Variants in PARP1 observed in about 807,000 individuals in gnomAD.
PARP1 encodes the protein poly(ADP-ribose) polymerase 1, also known as poly [ADP-ribose] polymerase 1.
PARP1 carries 44 observed loss-of-function variants against 118.7 expected under a neutral mutation model. That is an observed-to-expected ratio of 0.37 (90% CI 0.29 to 0.48). The LOEUF (loss-of-function observed/expected upper bound fraction) is 0.48, where lower values mean the gene tolerates loss of function less well. Among genes scored for constraint, PARP1 ranks in the 20% least tolerant of loss-of-function variants. The pLI, the probability that PARP1 is intolerant of heterozygous loss-of-function variation, is 0.99. For synonymous variants in PARP1, 492 were observed against 483.2 expected, an observed-to-expected ratio of 1.02 and a Z score of -0.24; for missense variants, 1,100 against 1,272.4, an observed-to-expected ratio of 0.86 and a Z score of 2.06.
At chr1:226,367,251 G>T in intron 17 of PARP1, 1 of 570,610 alleles carries the variant, frequency 1.8e-6, no homozygotes, top group Non-Finnish European at 3.1e-6. Flanking sequence ...GTGCTGGCTT[G>T]GAAGGCTGCC....
chr1:226,379,513 TA>T, intron 11 of PARP1, 59 bp downstream of exon 11: 1 of 1,383,102 alleles, frequency 7.2e-7, no homozygotes, highest in Non-Finnish European at 1.0e-6. Flanking sequence ...TGTGTGCTCC[TA>T]GTCAGCTGGG....
intron 12 of PARP1, among the ~76,000 whole-genome samples, chr1:226,378,021 G>A (rs1664528725): frequency 6.6e-6 from 1 of 152,080 alleles, no homozygotes; most frequent in Admixed American, 6.5e-5. Flanking sequence ...CATTCTCTGG[G>A]CTACTGAACA....
At chr1:226,379,822 G>A (rs1385366364) in intron 10 of PARP1, 100 bp downstream of exon 10, 49 of 1,573,734 alleles carry the variant, frequency 3.1e-5, no homozygotes, top group Non-Finnish European at 4.3e-5. Context: ...GCACTCAACA[G>A]GCCATGTCAG....
chr1:226,399,867 G>A (rs1576403205), intron 2 of PARP1, among the ~76,000 whole-genome samples: 1 of 152,100 alleles, frequency 6.6e-6, no homozygotes, highest in East Asian at 1.9e-4. Flanking sequence ...ACTCAATTTT[G>A]CTGTGAACCT....
intron 14 of PARP1, among the ~76,000 whole-genome samples, chr1:226,373,060 A>C (rs1007338784): frequency 1.2e-4 from 18 of 152,198 alleles, no homozygotes; most frequent in African/African-American, 4.1e-4. Flanking sequence ...AGGCGTGAGC[A>C]TTCCTGCCAG....
chr1:226,394,210 A>G (rs1664872704), intron 2 of PARP1, among the ~76,000 whole-genome samples: 1 of 151,880 alleles, frequency 6.6e-6, no homozygotes, highest in Non-Finnish European at 1.5e-5. Flanking sequence ...AAACAACCAA[A>G]CCCCAGCATG....
At chr1:226,397,170 A>T (rs1024973014) in intron 2 of PARP1, among the ~76,000 whole-genome samples, 2 of 151,618 alleles carry the variant, frequency 1.3e-5, no homozygotes, top group Non-Finnish European at 2.9e-5. Flanking sequence ...AAAAAAAAAA[A>T]AAAAGTTAAA....
At chr1:226,388,897 C>T in intron 4 of PARP1, 142 bp from the exon 5 acceptor site, 1 of 739,606 alleles carries the variant, frequency 1.4e-6, no homozygotes, top group Non-Finnish European at 2.4e-6. Context: ...TAACCCCTGC[C>T]CCACTCAGTG....
Position 226,380,073 on chromosome 1 carries a change from G to C in PARP1, c.1392C>G (p.Ala464=), listed in dbSNP as rs760300510. ...ACAACTCCTGAAGGCTCTTGGTGGAGGCGGAGACGTCCTGGAGGAAGTCCT... is the reference window on the plus strand; with the variant it reads ...ACAACTCCTGAAGGCTCTTGGTGGACGCGGAGACGTCCTGGAGGAAGTCCT... ...VSEDFLQDVS[A]STKSLQELFL... Residue 464 remains alanine (A), a synonymous_variant, in exon 10 of 23, where the codon GCC becomes GCG. Coordinates refer to ENST00000366794, the MANE Select transcript of PARP1 (RefSeq NM_001618.4). 2.4e-5 allele frequency: 39 copies of C among 1,614,118 alleles called. No homozygotes were observed. Among genetic ancestry groups the C allele is most frequent in the Admixed American group, 5.0e-5 (3 of 60,012 alleles).
chr1:226,383,296 C>T (rs1461253831), intron 7 of PARP1, 113 bp from the exon 8 acceptor site: 4 of 844,436 alleles, frequency 4.7e-6, no homozygotes, highest in Non-Finnish European at 7.8e-6. Context: ...TTTCTTCTTA[C>T]AATAAAGAGT....
At position 226,390,638 on chromosome 1, in the gene PARP1, CAT is replaced by C. The variant is rs1664806357; in HGVS notation, c.403-16_403-15del. ...GCGCACCTGGCCCTGCAGGAAAAAC[CAT>C]ATGTGGTACCAAGGGAGCGACAAGC... is the stretch of plus-strand genomic sequence containing the variant. On this transcript the variant is annotated splice_polypyrimidine_tract_variant and intron_variant, in intron 3 of 22. Transcript: ENST00000366794. The C allele has an allele frequency of 1.2e-6, 2 of 1,611,752 alleles. No homozygotes were observed. The highest frequency in any genetic ancestry group is 1.7e-5 in the Admixed American group (1 of 59,962).
intron 15 of PARP1, 57 bp from the exon 16 acceptor site, chr1:226,368,378 G>A: frequency 6.2e-7 from 1 of 1,612,410 alleles, no homozygotes; most frequent in Non-Finnish European, 8.5e-7. Flanking sequence ...CAAGCCCCCG[G>A]CCAGGCTTTC....
rs2102750377 is a variant in PARP1, at chr1:226,407,939, G to C, written c.-10C>G. The C allele has an allele frequency of 1.2e-6, 2 of 1,612,262 alleles. No homozygotes were observed. Among genetic ancestry groups the C allele is most frequent in the Non-Finnish European group, 1.7e-6 (2 of 1,179,030 alleles). ...CCGAAGACTCCGCCATCCTCCCCTA[G>C]CTGCCGCCAAAGCTCCGGAAGCCCG... On this transcript the variant is annotated 5_prime_UTR_variant, in exon 1 of 23. Coordinates refer to ENST00000366794, the MANE Select transcript of PARP1 (RefSeq NM_001618.4).
intron 6 of PARP1, 120 bp from the exon 7 acceptor site, chr1:226,385,800 TGC>T: frequency 1.1e-6 from 1 of 925,702 alleles, no homozygotes; most frequent in Non-Finnish European, 1.7e-6. Context: ...AGAGGCTTCT[TGC>T]TGTGGGCTTG....
intron 5 of PARP1, among the ~76,000 whole-genome samples, 154 bp from the exon 6 acceptor site, chr1:226,386,596 C>A (rs1664722313): frequency 6.6e-6 from 1 of 152,174 alleles, no homozygotes; most frequent in Non-Finnish European, 1.5e-5. Flanking sequence ...GGATTTGACT[C>A]CCAGTCATGC....
intron 1 of PARP1, among the ~76,000 whole-genome samples, chr1:226,406,253 G>A (rs574162040): frequency 2.6e-5 from 4 of 152,164 alleles, no homozygotes; most frequent in Non-Finnish European, 5.9e-5. Context: ...TTATCTAGAG[G>A]TTAGTGGAGA....
At chr1:226,382,510 C>T (rs3219065) in intron 8 of PARP1, among the ~76,000 whole-genome samples, 124,138 of 152,074 alleles carry the variant, frequency 0.82, 51,209 homozygotes, top group African/African-American at 0.87. Flanking sequence ...AGAGTAAGAG[C>T]TGCTTGTTCT....
At position 226,361,560 on chromosome 1, in the gene PARP1, A is replaced by G; in HGVS notation, c.2964-19T>C. The stretch of plus-strand genomic sequence containing the variant: ...AATGTACCTGAGGGGAAGCTTGTTA[A>G]GGAGCCAACAGCCATACAACAGAGG... On this transcript the variant is annotated intron_variant, in intron 22 of 22. Coordinates refer to ENST00000366794, the MANE Select transcript of PARP1 (RefSeq NM_001618.4). The G allele has an allele frequency of 6.5e-7, 1 of 1,533,402 alleles. No individual in the cohort carries two copies. Among genetic ancestry groups the G allele is most frequent in the Non-Finnish European group, 9.0e-7 (1 of 1,106,374 alleles). 95.0% of individuals were successfully genotyped at this position (1,533,402 alleles called of 1,614,324 possible).
In PARP1 at chr1:226,370,350, A is replaced by G. The variant is rs1664355191; in HGVS notation, c.2154+84T>C. The G allele has an allele frequency of 2.3e-5, 22 of 974,558 alleles. No individual in the cohort carries two copies. In the South Asian group the frequency reaches 2.8e-4, roughly 12 times the overall value. The allele number at this position is 974,558 out of a possible 1,614,324, so 60.4% of individuals were successfully genotyped here. A position where few individuals can be genotyped will look rare whatever the true frequency, so the allele number is the denominator to read the frequency against. ...CTTCCAGTTTCTTAACCTTGAGTAA[A>G]TGTTACCCCTGCCACCCCCAGGTCT... On this transcript the variant is annotated intron_variant, in intron 15 of 22. Coordinates refer to ENST00000366794, the MANE Select transcript of PARP1 (RefSeq NM_001618.4).
Sources: allele counts gnomAD v4.1 joint callset (sites outside exome capture counted in the v4.1 genomes callset), GRCh38; gene constraint gnomAD v4.1.1; transcripts MANE v1.5; gene names NCBI Gene and HGNC (gene_info 2026-07-23, HGNC 2026-07-21).